Variants in STK38 observed in about 807,000 individuals in gnomAD.
The protein encoded by STK38 is serine/threonine-protein kinase 38.
A neutral mutation model predicts 59.0 loss-of-function variants in STK38; 26 were observed. The ratio of observed to expected loss-of-function variants is 0.44; its 90% CI spans 0.32 to 0.61. The LOEUF is 0.61. STK38 is among the 20% of genes least tolerant of loss of function. STK38 has a pLI of 0.04. For synonymous variants in STK38, 175 were observed against 176.6 expected (o/e 0.99, Z 0.07); for missense variants, 433 against 566.0 (o/e 0.76, Z 2.38).
At chr6:36,496,612 C>T (rs1382697890) in intron 13 of STK38, 99 bp downstream of exon 13, 1 of 852,212 alleles carries the variant, frequency 1.2e-6, no homozygotes, top group Non-Finnish European at 1.9e-6. Context: ...AAATGAAATT[C>T]CTCTCCATGT....
intron 13 of STK38, among the ~76,000 whole-genome samples, chr6:36,496,311 G>C (rs1464750588): frequency 1.3e-5 from 2 of 152,024 alleles, no homozygotes; most frequent in Admixed American, 6.6e-5. Flanking sequence ...CAAAGTGCTG[G>C]GGTTTCAGGC....
chr6:36,499,329 A>G (rs1293260714), intron 10 of STK38, among the ~76,000 whole-genome samples: 1 of 152,284 alleles, frequency 6.6e-6, no homozygotes, highest in East Asian at 1.9e-4. Context: ...CCACCTCCAC[A>G]GGCATCGTTC....
intron 4 of STK38, 88 bp downstream of exon 4, chr6:36,524,253 T>C (rs779070349): frequency 1.8e-5 from 26 of 1,463,828 alleles, no homozygotes; most frequent in Non-Finnish European, 2.2e-5. Context: ...CATATATTTG[T>C]TATATCAACA....
At chr6:36,527,709 A>G (rs1561987379) in intron 2 of STK38, among the ~76,000 whole-genome samples, 1 of 152,150 alleles carries the variant, frequency 6.6e-6, no homozygotes, top group Non-Finnish European at 1.5e-5. Flanking sequence ...ATTCAGCACA[A>G]TAAATGAAAG....
At chr6:36,515,260 C>A in intron 7 of STK38, 78 bp downstream of exon 7, 1 of 1,528,712 alleles carries the variant, frequency 6.5e-7, no homozygotes. Context: ...CTGGGATGAC[C>A]ACAGGGGTGC....
chr6:36,544,441 C>T (rs1778013064), intron 1 of STK38, among the ~76,000 whole-genome samples: 1 of 151,976 alleles, frequency 6.6e-6, no homozygotes, highest in Non-Finnish European at 1.5e-5. Context: ...ACCACATGCA[C>T]TCTAAGTGTG....
intron 7 of STK38, among the ~76,000 whole-genome samples, chr6:36,512,394 A>T (rs1582422076): frequency 2.6e-5 from 4 of 152,244 alleles, no homozygotes; most frequent in Admixed American, 2.6e-4. Context: ...TACAGGGGAC[A>T]AAGAAGCCAG....
rs1358859893 is a variant in STK38, at chr6:36,517,794, C to T, written c.437G>A (p.Ser146Asn). 2.5e-6 allele frequency: 4 copies of T among 1,614,162 alleles called. No individual in the cohort carries two copies. The highest frequency in any genetic ancestry group is 3.4e-6 in the Non-Finnish European group (4 of 1,180,004). Reference protein sequence around the residue: ...AERDILVEADSLWVVKMFYSF... With the variant: ...AERDILVEADNLWVVKMFYSF... Reference sequence around the variant, plus strand: ...ATAGAACATTTTCACAACCCACAAACTGTCTGCCTCCACTAGAATGTCACG... The same window carrying T: ...ATAGAACATTTTCACAACCCACAAATTGTCTGCCTCCACTAGAATGTCACG... The change falls in exon 6 of 14, where the codon AGT becomes AAT. Residue 146 changes from serine (S) to asparagine (N), a missense_variant. By Grantham distance (46) the Ser-to-Asn change is conservative. This residue lies in a region of STK38 where 293 missense variants were observed against 388.2 expected (regional missense o/e 0.75). Coordinates refer to ENST00000229812, the MANE Select transcript of STK38 (RefSeq NM_007271.4).
chr6:36,498,212 G>A (rs1376323714), intron 11 of STK38, 151 bp downstream of exon 11: 4 of 1,145,880 alleles, frequency 3.5e-6, no homozygotes, highest in East Asian at 2.4e-5. Flanking sequence ...AATTATAGGC[G>A]TAAGCCACCA....
chr6:36,544,100 A>G (rs1477951878), intron 1 of STK38, among the ~76,000 whole-genome samples: 1 of 152,244 alleles, frequency 6.6e-6, no homozygotes, highest in Admixed American at 6.5e-5. Flanking sequence ...AAAGATACGC[A>G]GACAAAAATC....
At chr6:36,503,349 A>T (rs548868499) in intron 9 of STK38, among the ~76,000 whole-genome samples, 2 of 152,250 alleles carry the variant, frequency 1.3e-5, no homozygotes, top group South Asian at 4.1e-4. Flanking sequence ...TTCTTTAAAA[A>T]TTTTTAAAGT....
chr6:36,500,192 A>T (rs898907999), intron 9 of STK38, among the ~76,000 whole-genome samples: 7 of 152,020 alleles, frequency 4.6e-5, no homozygotes, highest in Middle Eastern at 3.4e-3. Context: ...GAGGCAGGAG[A>T]CCCTTAACTA....
At chr6:36,496,292 T>C (rs1776703194) in intron 13 of STK38, among the ~76,000 whole-genome samples, 1 of 152,140 alleles carries the variant, frequency 6.6e-6, no homozygotes, top group Non-Finnish European at 1.5e-5. Context: ...TCTGCCCACC[T>C]CGGCCTCCCA....
intron 2 of STK38, among the ~76,000 whole-genome samples, chr6:36,536,329 A>C (rs1167013546): frequency 6.6e-6 from 1 of 152,122 alleles, no homozygotes; most frequent in Admixed American, 6.5e-5. Flanking sequence ...AAATCTAAAA[A>C]ACTTCCAAAA....
chr6:36,542,235 C>T (rs902855709), intron 1 of STK38, among the ~76,000 whole-genome samples: 1 of 152,132 alleles, frequency 6.6e-6, no homozygotes, highest in African/African-American at 2.4e-5. Flanking sequence ...AAATGGTAAT[C>T]TGATACATAT....
intron 4 of STK38, 57 bp downstream of exon 4, chr6:36,524,284 T>A: frequency 6.3e-7 from 1 of 1,574,976 alleles, no homozygotes; most frequent in South Asian, 1.2e-5. Flanking sequence ...AATGGTATGT[T>A]AGAAGCTTTG....
intron 9 of STK38, among the ~76,000 whole-genome samples, chr6:36,502,929 C>A (rs1051120388): frequency 1.3e-5 from 2 of 152,216 alleles, no homozygotes; most frequent in Non-Finnish European, 2.9e-5. Flanking sequence ...TTGATTCACA[C>A]TGTCACAAGT....
intron 13 of STK38, 126 bp from the exon 14 acceptor site, chr6:36,496,040 T>C: frequency 1.9e-6 from 2 of 1,076,446 alleles, no homozygotes; most frequent in Non-Finnish European, 2.6e-6. Flanking sequence ...TTTCACTCTA[T>C]GAATTTTTTT....
chr6:36,530,240 G>C (rs568975771), intron 2 of STK38, among the ~76,000 whole-genome samples: 4 of 147,864 alleles, frequency 2.7e-5, no homozygotes, highest in African/African-American at 1.0e-4. Flanking sequence ...GATTCTGTCA[G>C]AAAGAAAAGA....
Sources: allele counts gnomAD v4.1 joint callset (sites outside exome capture counted in the v4.1 genomes callset), GRCh38; gene constraint gnomAD v4.1.1; regional missense constraint gnomAD v4.1.1; transcripts MANE v1.5; gene names NCBI Gene and HGNC (gene_info 2026-07-23, HGNC 2026-07-21).